The following CDKAL1 variants were observed in gnomAD, a reference collection of about 807,000 sequenced individuals.
CDKAL1 encodes the protein CDKAL1 threonylcarbamoyladenosine tRNA methylthiotransferase, also known as threonylcarbamoyladenosine tRNA methylthiotransferase.
In CDKAL1, 32 loss-of-function variants were observed where a neutral mutation model predicts 68.2. The ratio of observed to expected loss-of-function variants is 0.47; its 90% CI spans 0.35 to 0.63. The LOEUF (loss-of-function observed/expected upper bound fraction) is 0.63. Ranked by LOEUF, CDKAL1 falls within the 30% of genes least tolerant of loss-of-function variation. The probability of loss-of-function intolerance (pLI) is 0.00; values close to 1 mark genes in which losing one functional copy is unlikely to be tolerated. For missense variants in CDKAL1, 606 were observed against 696.7 expected, an observed-to-expected ratio of 0.87 and a Z score of 1.47; for synonymous variants, 234 against 244.3, an observed-to-expected ratio of 0.96 and a Z score of 0.39.
chr6:20,694,200 GCAAA>G (rs955813688), intron 5 of CDKAL1, among the ~76,000 whole-genome samples: 12 of 149,920 alleles, frequency 8.0e-5, no homozygotes, highest in South Asian at 2.1e-4. Context: ...AAACAAACAA[GCAAA>G]CAAACAAACG....
intron 5 of CDKAL1, among the ~76,000 whole-genome samples, chr6:20,729,580 G>A (rs1055021479): frequency 4.6e-5 from 7 of 152,132 alleles, no homozygotes; most frequent in East Asian, 1.9e-4. Flanking sequence ...TACTTACTGC[G>A]TGGCAGCACT....
At chr6:20,881,983 C>A (rs1424218494) in intron 9 of CDKAL1, among the ~76,000 whole-genome samples, 3 of 152,116 alleles carry the variant, frequency 2.0e-5, no homozygotes, top group African/African-American at 7.2e-5. Flanking sequence ...TTTTCTTTTC[C>A]TTTGGTTTTG....
At chr6:20,941,875 A>G (rs1249470028) in intron 9 of CDKAL1, among the ~76,000 whole-genome samples, 1 of 152,240 alleles carries the variant, frequency 6.6e-6, no homozygotes, top group Non-Finnish European at 1.5e-5. Context: ...ATTATTGGCG[A>G]TAAGGAATTA....
At chr6:20,642,514 C>T (rs1054127828) in intron 4 of CDKAL1, among the ~76,000 whole-genome samples, 5 of 147,206 alleles carry the variant, frequency 3.4e-5, no homozygotes, top group African/African-American at 1.0e-4. Context: ...GGCCCTTATG[C>T]GTGAAAAGGT....
At position 21,116,308 on chromosome 6, in the gene CDKAL1, AC is replaced by A. The variant is rs1448051065; in HGVS notation, c.1299+7848del. ...ATGCCAGAATTTTTCTCAGCCAGTT[AC>A]CCTGAGGATTGACAAAGAGATTGAA... On this transcript the variant is annotated intron_variant, in intron 13 of 15. Coordinates refer to ENST00000274695, the MANE Select transcript of CDKAL1 (RefSeq NM_017774.3). 7.2e-5 allele frequency among the ~76,000 whole-genome samples: 11 copies of A among 152,314 alleles called. No homozygotes were observed. The South Asian group carries it at 1.5e-3, about 20-fold the overall frequency.
At chr6:21,052,536 T>TG (rs1323544565) in intron 11 of CDKAL1, among the ~76,000 whole-genome samples, 2 of 138,072 alleles carry the variant, frequency 1.4e-5, no homozygotes, top group Non-Finnish European at 3.2e-5. Flanking sequence ...TTTAATTGGT[T>TG]GTTTTTTTTT....
intron 13 of CDKAL1, among the ~76,000 whole-genome samples, chr6:21,117,563 G>A (rs1394102644): frequency 1.3e-5 from 2 of 152,072 alleles, no homozygotes; most frequent in Admixed American, 6.5e-5. Flanking sequence ...CTTAACCCCA[G>A]GAGCTGGTGG....
At chr6:21,216,470 G>GA (rs1462788181) in intron 15 of CDKAL1, among the ~76,000 whole-genome samples, 3 of 151,764 alleles carry the variant, frequency 2.0e-5, no homozygotes, top group East Asian at 1.9e-4. Flanking sequence ...CCGGTCTCCA[G>GA]AAAAAAAATA....
At chr6:20,925,872 T>C (rs2150662443) in intron 9 of CDKAL1, among the ~76,000 whole-genome samples, 1 of 152,258 alleles carries the variant, frequency 6.6e-6, no homozygotes, top group African/African-American at 2.4e-5. Context: ...TGAGTGATAC[T>C]CCATCTAAAA....
intron 13 of CDKAL1, among the ~76,000 whole-genome samples, chr6:21,190,318 T>C (rs148513774): frequency 1.3e-3 from 195 of 152,204 alleles, no homozygotes; most frequent in African/African-American, 4.5e-3. Flanking sequence ...TCAAGTTTAT[T>C]AGAACCATGA....
chr6:20,610,791 C>T (rs1034152450), intron 4 of CDKAL1, among the ~76,000 whole-genome samples: 1 of 152,156 alleles, frequency 6.6e-6, no homozygotes, highest in African/African-American at 2.4e-5. Context: ...CAGAAAAGAT[C>T]TGGGTGGTAA....
At chr6:20,590,532 G>T (rs773272121) in intron 4 of CDKAL1, among the ~76,000 whole-genome samples, 5 of 151,154 alleles carry the variant, frequency 3.3e-5, no homozygotes, top group South Asian at 4.2e-4. Context: ...AACAGCCCCC[G>T]GTGTGTGATG....
chr6:20,776,931 A>G (rs1007098808), intron 7 of CDKAL1, among the ~76,000 whole-genome samples: 1 of 152,134 alleles, frequency 6.6e-6, no homozygotes, highest in African/African-American at 2.4e-5. Flanking sequence ...TGCTCCCAAG[A>G]CAGCTCAGTG....
chr6:20,715,495 G>A (rs1181884401), intron 5 of CDKAL1, among the ~76,000 whole-genome samples: 1 of 152,294 alleles, frequency 6.6e-6, no homozygotes, highest in African/African-American at 2.4e-5. Flanking sequence ...TGGCTATTGT[G>A]AATAATGCTG....
intron 8 of CDKAL1, among the ~76,000 whole-genome samples, chr6:20,832,243 A>G (rs1777748709): frequency 6.6e-6 from 1 of 152,242 alleles, no homozygotes; most frequent in Non-Finnish European, 1.5e-5. Flanking sequence ...GATTTATAAC[A>G]TAACCATATT....
chr6:21,184,925 C>CTAGGTTTA (rs2151090269), intron 13 of CDKAL1, among the ~76,000 whole-genome samples: 2 of 151,348 alleles, frequency 1.3e-5, no homozygotes, highest in South Asian at 4.2e-4. Context: ...CCTCAACCTC[C>CTAGGTTTA]CAAAGTGCTA....
At chr6:20,822,570 C>G (rs550859452) in intron 8 of CDKAL1, among the ~76,000 whole-genome samples, 1 of 152,176 alleles carries the variant, frequency 6.6e-6, no homozygotes, top group Non-Finnish European at 1.5e-5. Context: ...TGTCCTCACC[C>G]AAATCTCATC....
intron 12 of CDKAL1, among the ~76,000 whole-genome samples, chr6:21,094,012 A>G (rs1773194836): frequency 6.6e-6 from 1 of 151,504 alleles, no homozygotes; most frequent in Non-Finnish European, 1.5e-5. Flanking sequence ...GACTACAGGC[A>G]TAAGTCACTG....
intron 15 of CDKAL1, among the ~76,000 whole-genome samples, chr6:21,209,151 A>G (rs1325349217): frequency 6.6e-6 from 1 of 152,218 alleles, no homozygotes; most frequent in East Asian, 1.9e-4. Context: ...ACTTCAGTTT[A>G]TTATTCTAGC....
Sources: gnomAD v4.1 joint callset for allele counts (sites outside exome capture counted in the v4.1 genomes callset) on GRCh38, gnomAD v4.1.1 for gene constraint, MANE v1.5 for transcripts, NCBI Gene and HGNC (gene_info 2026-07-23, HGNC 2026-07-21) for gene names.